The following HEATR9 variants were observed in gnomAD, a reference collection of about 807,000 sequenced individuals.
The protein encoded by HEATR9 is protein HEATR9.
In HEATR9, 54 loss-of-function variants were observed where a neutral mutation model predicts 68.2. The observed-to-expected ratio is 0.79, with a 90% CI of 0.64 to 0.99. HEATR9 has a LOEUF of 0.99. Among genes scored for constraint, HEATR9 ranks in the 50% least tolerant of loss-of-function variants. HEATR9 has a pLI of 0.00. For synonymous variants in HEATR9, 241 were observed against 253.5 expected, an observed-to-expected ratio of 0.95 and a Z score of 0.47; for missense variants, 662 against 679.7, an observed-to-expected ratio of 0.97 and a Z score of 0.29.
chr17:35,856,873 A>G (rs1463105547), intron 11 of HEATR9, 68 bp from the exon 12 acceptor site: 11 of 1,350,570 alleles, frequency 8.1e-6, no homozygotes, highest in Middle Eastern at 1.8e-4. Flanking sequence ...GAGCCTCTCA[A>G]ATCTTTACTG....
intron 2 of HEATR9, 37 bp downstream of exon 2, chr17:35,866,687 A>G (rs1312367435): frequency 6.3e-7 from 1 of 1,597,432 alleles, no homozygotes; most frequent in African/African-American, 1.3e-5. Flanking sequence ...CCTAACTTTG[A>G]TACAGCTCCC....
At chr17:35,862,945 A>T in intron 8 of HEATR9, 50 bp downstream of exon 8, 1 of 1,613,326 alleles carries the variant, frequency 6.2e-7, no homozygotes, top group Non-Finnish European at 8.5e-7. Flanking sequence ...TAAACCTATC[A>T]ATTACCTTGT....
At chr17:35,856,495 G>A (rs1598572109) in intron 12 of HEATR9, 1 of 894,030 alleles carries the variant, frequency 1.1e-6, no homozygotes, top group East Asian at 2.6e-5. Context: ...GAGCTTTATA[G>A]CAACCTATAC....
In HEATR9 at chr17:35,863,101, C is replaced by T. The variant is rs758987742; in HGVS notation, c.650G>A (p.Arg217Gln). Residue 217 changes from arginine to glutamine, a missense_variant, in exon 8 of 15, where the codon CGG becomes CAG. Physicochemically the swap from Arg to Gln is conservative, Grantham distance 43. Transcript: ENST00000604834. Reference protein sequence around the residue: ...ILGCLNKHVIRALIKQLKEKN... With the variant: ...ILGCLNKHVIQALIKQLKEKN... ...CTCCTTCAGCTGTTTGATGAGAGCC[C>T]GGATCACATGCTTATTCAGGCAACC... is the stretch of plus-strand genomic sequence containing the variant. 2 of 1,614,152 alleles carry T rather than the reference C, an allele frequency of 1.2e-6. No individual in the cohort carries two copies. The highest frequency in any genetic ancestry group is 2.2e-5 in the East Asian group (1 of 44,890).
At chr17:35,861,576 G>C in intron 8 of HEATR9, 3 of 723,216 alleles carry the variant, frequency 4.1e-6, no homozygotes, top group Middle Eastern at 3.8e-4. Flanking sequence ...TGTTGAACCT[G>C]TGTTGGTCCC....
At chr17:35,861,311 A>G in intron 8 of HEATR9, 6 of 1,405,900 alleles carry the variant, frequency 4.3e-6, no homozygotes, top group Non-Finnish European at 6.0e-6. Flanking sequence ...GTTTTATTCC[A>G]TAGCTCTTGC....
chr17:35,858,112 C>A, intron 11 of HEATR9, 88 bp downstream of exon 11: 1 of 1,558,986 alleles, frequency 6.4e-7, no homozygotes, highest in East Asian at 2.2e-5. Context: ...GAATGTGATA[C>A]TTCGGTGGAG....
rs772329265 is a variant in HEATR9 at position 35,860,479 on chromosome 17, TTTTATTTA to T, written c.757-1417_757-1410del. Among the ~76,000 whole-genome samples, 9 of 94,140 alleles carry T rather than the reference TTTTATTTA, an allele frequency of 9.6e-5. No homozygotes were observed. In the South Asian group the frequency reaches 1.9e-3, roughly 20 times the overall value. The allele number at this position is 94,140 out of a possible 152,430, so 61.8% of individuals were successfully genotyped here. ...ATTTATTTATTTATTTATTTATTTA[TTTTATTTA>T]TTTATTTATTTATTTATTTTGAGAT... On this transcript the variant is annotated intron_variant, in intron 8 of 14. Coordinates refer to ENST00000604834, the MANE Select transcript of HEATR9 (RefSeq NM_152781.4).
At chr17:35,861,524 G>T (rs554833911) in intron 8 of HEATR9, 12 of 942,102 alleles carry the variant, frequency 1.3e-5, no homozygotes, top group Non-Finnish European at 2.1e-5. Context: ...TCATGGCTGG[G>T]GTAGATGGGC....
At chr17:35,856,054 A>G in intron 13 of HEATR9, 119 bp downstream of exon 13, 1 of 1,173,992 alleles carries the variant, frequency 8.5e-7, no homozygotes, top group Non-Finnish European at 1.2e-6. Flanking sequence ...CTGGAATTCT[A>G]AAATAAACAA....
chr17:35,858,377 C>A, intron 10 of HEATR9, 56 bp downstream of exon 10: 1 of 1,614,010 alleles, frequency 6.2e-7, no homozygotes, highest in Non-Finnish European at 8.5e-7. Flanking sequence ...CCTTCTTCAT[C>A]CCCTAACCCT....
At chr17:35,860,593 C>T (rs1392363557) in intron 8 of HEATR9, among the ~76,000 whole-genome samples, 1 of 149,834 alleles carries the variant, frequency 6.7e-6, no homozygotes, top group African/African-American at 2.4e-5. Context: ...GGTTTCACGC[C>T]ATTCTCCTGC....
At chr17:35,857,255 G>A (rs1015070250) in intron 11 of HEATR9, among the ~76,000 whole-genome samples, 1 of 152,034 alleles carries the variant, frequency 6.6e-6, no homozygotes, top group Non-Finnish European at 1.5e-5. Context: ...AATTACCCTG[G>A]GACAACAGGT....
chr17:35,861,054 AAAG>A, intron 8 of HEATR9: 3 of 838,030 alleles, frequency 3.6e-6, no homozygotes, highest in Non-Finnish European at 4.1e-6. Flanking sequence ...TCAAAAAAAA[AAAG>A]AAATGGTTAC....
At chr17:35,858,774 A>T in intron 9 of HEATR9, 114 bp downstream of exon 9, 1 of 1,183,542 alleles carries the variant, frequency 8.4e-7, no homozygotes, top group Non-Finnish European at 1.2e-6. Flanking sequence ...ACATAGTCAT[A>T]AGCACACAGA....
At chr17:35,868,586 TGA>T in intron 1 of HEATR9, 67 bp downstream of exon 1, 1 of 1,605,380 alleles carries the variant, frequency 6.2e-7, no homozygotes, top group Non-Finnish European at 8.5e-7. Context: ...TGCCTGGGAG[TGA>T]GAGCCAGGTA....
At chr17:35,861,762 C>T (rs1225503557) in intron 8 of HEATR9, among the ~76,000 whole-genome samples, 1 of 152,184 alleles carries the variant, frequency 6.6e-6, no homozygotes, top group African/African-American at 2.4e-5. Flanking sequence ...TGCAACCCAT[C>T]CCTACTCCTA....
chr17:35,860,458 A>T (rs371376852), intron 8 of HEATR9, among the ~76,000 whole-genome samples: 15 of 128,576 alleles, frequency 1.2e-4, no homozygotes, highest in African/African-American at 4.9e-4. Context: ...ATTTTTATTT[A>T]TTTATTTATT....
At chr17:35,865,162 CT>C (rs2088151060) in intron 3 of HEATR9, 52 bp downstream of exon 3, 1 of 1,577,934 alleles carries the variant, frequency 6.3e-7, no homozygotes, top group African/African-American at 1.3e-5. Context: ...CCCTTCCTCA[CT>C]TTCCTAGAAG....
Sources: gnomAD v4.1 joint callset for allele counts (sites outside exome capture counted in the v4.1 genomes callset) on GRCh38, gnomAD v4.1.1 for gene constraint, MANE v1.5 for transcripts, NCBI Gene and HGNC (gene_info 2026-07-23, HGNC 2026-07-21) for gene names.